The following LRRC9 variants were observed in gnomAD, a reference collection of about 807,000 sequenced individuals.
The protein encoded by LRRC9 is leucine rich repeat containing 9.
Under a neutral mutation model 63.2 loss-of-function variants are expected in LRRC9, and 122 were observed. The ratio of observed to expected loss-of-function variants is 1.93; its 90% confidence interval spans 1.67 to 2.24. LRRC9 has a LOEUF of 2.24. Ranked by LOEUF, LRRC9 falls within the 30% of genes most tolerant of loss-of-function variation. The pLI is 0.00. For synonymous variants in LRRC9, 366 were observed against 213.1 expected, an observed-to-expected ratio of 1.72 and a Z score of -6.25; for missense variants, 1,071 against 627.7, an observed-to-expected ratio of 1.71 and a Z score of -7.55.
At position 60,042,935 on chromosome 14, in the gene LRRC9, A is replaced by G. The variant is rs1039764609; in HGVS notation, c.3991-10130A>G. 3.3e-5 allele frequency among the ~76,000 whole-genome samples: 5 copies of G among 152,100 alleles called. No homozygotes were observed. The highest frequency in any genetic ancestry group is 7.4e-5 in the Non-Finnish European group (5 of 68,010). The stretch of plus-strand genomic sequence containing the variant: ...TATTCCAATCCATGAGCATAGAATA[A>G]ATTTCCTTTTTTCTGTGTGTCTTTT... On this transcript the variant is annotated intron_variant, in intron 29 of 31. Transcript: ENST00000445360. This position sits in a 1 kb window ranked among gnomAD's most constrained non-coding sequence, Gnocchi z 4.2.
intron 18 of LRRC9, among the ~76,000 whole-genome samples, chr14:59,998,180 T>A (rs906388601): frequency 1.3e-5 from 2 of 152,062 alleles, no homozygotes; most frequent in Non-Finnish European, 2.9e-5. Flanking sequence ...TAATGAGTCA[T>A]AGGAACCAAG....
rs888923536 is a variant in LRRC9 at position 60,053,086 on chromosome 14, C to G, written c.4012C>G (p.Arg1338Gly). Residue 1338 changes from arginine (R) to glycine (G), a missense_variant, in exon 30 of 32, where the codon CGC (arginine) becomes GGC (glycine). By Grantham distance (125) the Arg-to-Gly change is moderately radical. Coordinates refer to ENST00000445360, the Ensembl canonical transcript of LRRC9. This position sits in a 1 kb window ranked among gnomAD's most constrained non-coding sequence, Gnocchi z 4.8. ...TCAGATTTGTAGAAAAATGCTACAT[C>G]GCCACATGCTTATATTTCGACTGCC... The G allele has an allele frequency of 8.6e-5, 60 of 697,650 alleles. No individual in the cohort carries two copies. Among genetic ancestry groups the G allele is most frequent in the Non-Finnish European group, 1.4e-4 (55 of 382,654 alleles). 43.2% of individuals were successfully genotyped at this position (697,650 alleles called of 1,614,324 possible).
chr14:60,034,939 G>A (rs370070166), intron 29 of LRRC9, among the ~76,000 whole-genome samples: 1 of 151,976 alleles, frequency 6.6e-6, no homozygotes, highest in Non-Finnish European at 1.5e-5. Flanking sequence ...TACCATAATG[G>A]TAATTTACAT....
In LRRC9 at chr14:60,053,423, ATATATG is replaced by A. The variant is rs1894049594; in HGVS notation, c.4131+221_4131+226del. On this transcript the variant is annotated intron_variant, in intron 30 of 31. Coordinates refer to ENST00000445360, the Ensembl canonical transcript of LRRC9. This position sits in a 1 kb window ranked among gnomAD's most constrained non-coding sequence, Gnocchi z 4.8. ...CACACACACACACACACACACACAT[ATATATG>A]TAAGTCAGGGAACATCCTTTTCTTA... is the stretch of plus-strand genomic sequence containing the variant. 7.4e-5 allele frequency among the ~76,000 whole-genome samples: 1 copy of A among 13,506 alleles called. No homozygotes were observed. Among genetic ancestry groups the A allele is most frequent in the Non-Finnish European group, 7.8e-4 (1 of 1,284 alleles). The allele number at this position is 13,506 out of a possible 152,430, so 8.9% of individuals were successfully genotyped here. A position where few individuals can be genotyped will look rare whatever the true frequency, so the allele number is the denominator to read the frequency against.
At chr14:59,971,122 G>A (rs894139747) in intron 12 of LRRC9, among the ~76,000 whole-genome samples, 7 of 152,004 alleles carry the variant, frequency 4.6e-5, no homozygotes, top group Admixed American at 2.0e-4. Flanking sequence ...ATAAGAAAGG[G>A]GCCCAGTTTC....
chr14:59,953,049 A>C (rs1011808205), intron 8 of LRRC9, among the ~76,000 whole-genome samples: 2 of 152,198 alleles, frequency 1.3e-5, no homozygotes, highest in Non-Finnish European at 2.9e-5. Flanking sequence ...TTCTTTATCC[A>C]GTCTATCACT....
exon 14 of LRRC9, chr14:59,977,334 G>A (rs2140075354): frequency 1.5e-6 from 1 of 687,460 alleles, no homozygotes; most frequent in Admixed American, 2.2e-5. Context: ...TCATTCCTCG[G>A]AAATATTTAC....
At position 59,930,071 on chromosome 14, in the gene LRRC9, A is replaced by G. The variant is rs930033558; in HGVS notation, c.268-847A>G. Among the ~76,000 whole-genome samples the G allele has an allele frequency of 1.3e-5, 2 of 152,092 alleles. No individual in the cohort carries two copies. The highest frequency in any genetic ancestry group is 4.1e-4 in the South Asian group (2 of 4,832). On this transcript the variant is annotated intron_variant, in intron 3 of 31. Transcript: ENST00000445360. This position sits in a 1 kb window ranked among gnomAD's most constrained non-coding sequence, Gnocchi z 4.9. ...GCACATGCACCCCTGAACTTAAAAT[A>G]TAAGTTCAATAAATAAATAAATTGA... is the stretch of plus-strand genomic sequence containing the variant.
At chr14:59,979,914 A>C (rs1886744550) in intron 15 of LRRC9, among the ~76,000 whole-genome samples, 1 of 151,900 alleles carries the variant, frequency 6.6e-6, no homozygotes, top group Non-Finnish European at 1.5e-5. Context: ...ACATGTATAC[A>C]TATGTAACTA....
intron 31 of LRRC9, among the ~76,000 whole-genome samples, chr14:60,061,204 T>C (rs566969740): frequency 2.0e-5 from 3 of 152,286 alleles, no homozygotes; most frequent in East Asian, 3.9e-4. Flanking sequence ...AGAACTACTG[T>C]GGGGAAAGTG....
At chr14:60,059,597 A>G (rs1384352709) in intron 31 of LRRC9, among the ~76,000 whole-genome samples, 1 of 152,270 alleles carries the variant, frequency 6.6e-6, no homozygotes, top group Non-Finnish European at 1.5e-5. Context: ...TATTGCTGAT[A>G]TGGATAAAGT....
In LRRC9 at chr14:60,026,629, T is replaced by C. The variant is rs182533121; in HGVS notation, c.3704-1255T>C. On this transcript the variant is annotated intron_variant, in intron 27 of 31. Transcript: ENST00000445360. ...TTTGGTTGCCTGTGCTTTTGAGGTA[T>C]TACACAAGAAATCTTTGTCAAGTCC... 2.6e-5 allele frequency among the ~76,000 whole-genome samples: 4 copies of C among 152,182 alleles called. No homozygotes were observed. The East Asian group carries it at 7.7e-4, about 29-fold the overall frequency.
At chr14:59,963,129 A>C (rs1164678404) in intron 10 of LRRC9, among the ~76,000 whole-genome samples, 3 of 152,204 alleles carry the variant, frequency 2.0e-5, no homozygotes, top group Non-Finnish European at 4.4e-5. Context: ...CTAAGGATTC[A>C]GTATTTAAAT....
rs1247590128 is a variant in LRRC9 at position 60,003,415 on chromosome 14, C to A, written c.2665-206C>A. Among the ~76,000 whole-genome samples, 1 of 152,202 alleles carries A rather than the reference C, an allele frequency of 6.6e-6. No homozygotes were observed. Among genetic ancestry groups the A allele is most frequent in the African/African-American group, 2.4e-5 (1 of 41,468 alleles). On this transcript the variant is annotated intron_variant, in intron 20 of 31. Coordinates refer to ENST00000445360, the Ensembl canonical transcript of LRRC9. The surrounding 1 kb of genome is among the most constrained non-coding windows in gnomAD (Gnocchi z 4.2). The stretch of plus-strand genomic sequence containing the variant: ...CTAGCACATCGCAGTGTCCTTAATA[C>A]CATATAAGTCCTTCTTGGAGTTATA...
At chr14:59,977,389 A>G in intron 14 of LRRC9, 42 bp downstream of exon 14, 1 of 629,480 alleles carries the variant, frequency 1.6e-6, no homozygotes, top group East Asian at 2.8e-5. Context: ...ATCTCTCTGA[A>G]TGAAAAATGT....
chr14:59,939,290 A>T (rs1028635835), intron 7 of LRRC9, among the ~76,000 whole-genome samples: 18 of 151,926 alleles, frequency 1.2e-4, no homozygotes, highest in African/African-American at 4.1e-4. Flanking sequence ...GTAGCTGAGG[A>T]CATCAGGGGA....
chr14:60,023,447 G>A (rs1891271246), intron 27 of LRRC9, among the ~76,000 whole-genome samples: 1 of 151,896 alleles, frequency 6.6e-6, no homozygotes, highest in Non-Finnish European at 1.5e-5. Context: ...AGCAGGGGGA[G>A]GAGGAAAAGA....
intron 17 of LRRC9, among the ~76,000 whole-genome samples, chr14:59,987,514 T>C (rs1222079498): frequency 6.8e-6 from 1 of 147,252 alleles, no homozygotes; most frequent in Non-Finnish European, 1.5e-5. Context: ...CCATAGTTTA[T>C]CTCTAGAAAT....
chr14:60,046,914 TG>T (rs1893480157), intron 29 of LRRC9, among the ~76,000 whole-genome samples: 1 of 152,248 alleles, frequency 6.6e-6, no homozygotes, highest in South Asian at 2.1e-4. Flanking sequence ...TCCATTTGTT[TG>T]TGTCCTCTCT....
Sources: allele counts gnomAD v4.1 joint callset (sites outside exome capture counted in the v4.1 genomes callset), GRCh38; gene constraint gnomAD v4.1.1; non-coding constraint Gnocchi (gnomAD v3.1); transcripts MANE v1.5; gene names NCBI Gene and HGNC (gene_info 2026-07-23, HGNC 2026-07-21).